Variants in ANTXR2 observed in about 807,000 individuals in gnomAD.
The protein encoded by ANTXR2 is ANTXR cell adhesion molecule 2.
Under a neutral mutation model 73.7 loss-of-function variants are expected in ANTXR2, and 44 were observed. That is an observed-to-expected ratio of 0.60 (90% CI 0.47 to 0.77). ANTXR2 has a LOEUF of 0.77. Among genes scored for constraint, ANTXR2 ranks in the 30% least tolerant of loss-of-function variants. The pLI is 0.00. For missense variants in ANTXR2, 604 were observed against 592.5 expected, an observed-to-expected ratio of 1.02 and a Z score of -0.20; for synonymous variants, 217 against 205.9, an observed-to-expected ratio of 1.05 and a Z score of -0.46.
intron 7 of ANTXR2, among the ~76,000 whole-genome samples, chr4:80,050,406 A>C (rs954659425): frequency 6.6e-6 from 1 of 151,586 alleles, no homozygotes; most frequent in Admixed American, 6.6e-5. Flanking sequence ...TTGTTTAAGT[A>C]GATTGGGGGT....
intron 16 of ANTXR2, among the ~76,000 whole-genome samples, chr4:79,954,802 G>A (rs1253729488): frequency 6.6e-6 from 1 of 152,112 alleles, no homozygotes; most frequent in Non-Finnish European, 1.5e-5. Flanking sequence ...AGAGGTCAGA[G>A]GCTAGACAAG....
intron 10 of ANTXR2, among the ~76,000 whole-genome samples, chr4:80,026,453 T>C (rs528041658): frequency 5.5e-4 from 84 of 152,266 alleles, no homozygotes; most frequent in South Asian, 5.0e-3. Context: ...AACGGACTAA[T>C]ACATTTAGTA....
chr4:80,001,101 CA>C (rs1731008790), intron 12 of ANTXR2, among the ~76,000 whole-genome samples: 1 of 151,994 alleles, frequency 6.6e-6, no homozygotes, highest in African/African-American at 2.4e-5. Context: ...TTCAAAGTTA[CA>C]AAACAGAGGG....
chr4:80,033,685 T>TACTATTTTCATACTATTTTCA, intron 8 of ANTXR2, 115 bp from the exon 9 acceptor site: 1 of 725,238 alleles, frequency 1.4e-6, no homozygotes, highest in African/African-American at 1.9e-5. Flanking sequence ...TACTATTCAG[T>TACTATTTTCATACTATTTTCA]TAACTAATAG....
At chr4:80,062,892 T>C (rs1025649709) in intron 3 of ANTXR2, among the ~76,000 whole-genome samples, 1 of 152,068 alleles carries the variant, frequency 6.6e-6, no homozygotes, top group Non-Finnish European at 1.5e-5. Context: ...CGAATCCTGA[T>C]ACATCATGAT....
chr4:80,033,668 T>G, intron 8 of ANTXR2, 98 bp from the exon 9 acceptor site: 1 of 865,010 alleles, frequency 1.2e-6, no homozygotes, highest in East Asian at 3.0e-5. Flanking sequence ...AAGAATAATT[T>G]TTTTCATACT....
chr4:80,046,061 CAT>C (rs1733501892), intron 7 of ANTXR2, among the ~76,000 whole-genome samples: 1 of 151,724 alleles, frequency 6.6e-6, no homozygotes. Flanking sequence ...TAAAAGCACA[CAT>C]GACAAATTTC....
chr4:80,040,318 G>A (rs1733174155), intron 7 of ANTXR2, among the ~76,000 whole-genome samples: 1 of 151,950 alleles, frequency 6.6e-6, no homozygotes, highest in African/African-American at 2.4e-5. Flanking sequence ...AAACCAAAAT[G>A]AGTCTATTAT....
At chr4:79,957,093 T>C (rs1728918251) in intron 16 of ANTXR2, among the ~76,000 whole-genome samples, 1 of 152,104 alleles carries the variant, frequency 6.6e-6, no homozygotes, top group South Asian at 2.1e-4. Context: ...GAGCCCATAA[T>C]GAAAGACTAT....
At chr4:80,001,519 T>C (rs1177871282) in intron 12 of ANTXR2, among the ~76,000 whole-genome samples, 1 of 151,906 alleles carries the variant, frequency 6.6e-6, no homozygotes, top group Non-Finnish European at 1.5e-5. Context: ...AAAAAATGTA[T>C]ATTCTGTTGA....
intron 16 of ANTXR2, among the ~76,000 whole-genome samples, chr4:79,961,177 T>G (rs1451800993): frequency 6.6e-6 from 1 of 152,036 alleles, no homozygotes. Context: ...TGTAGAATAA[T>G]GTAGATTTCT....
chr4:79,923,626 T>A (rs536563614), intron 16 of ANTXR2, among the ~76,000 whole-genome samples: 1 of 152,196 alleles, frequency 6.6e-6, no homozygotes, highest in Non-Finnish European at 1.5e-5. Flanking sequence ...CTAAGGCCAT[T>A]GTGAGCCTTA....
chr4:80,029,415 C>T (rs1187399424), intron 10 of ANTXR2, among the ~76,000 whole-genome samples: 9 of 151,904 alleles, frequency 5.9e-5, no homozygotes, highest in Non-Finnish European at 1.3e-4. Flanking sequence ...GTACAAGTAC[C>T]TGATCCCACC....
intron 2 of ANTXR2, among the ~76,000 whole-genome samples, 179 bp from the exon 3 acceptor site, chr4:80,069,686 T>C (rs983238360): frequency 6.6e-6 from 1 of 152,182 alleles, no homozygotes; most frequent in South Asian, 2.1e-4. Flanking sequence ...ATAAGTCATT[T>C]TGGATTTAGT....
chr4:79,937,627 A>C (rs975123280), intron 16 of ANTXR2, among the ~76,000 whole-genome samples: 8 of 152,216 alleles, frequency 5.3e-5, no homozygotes, highest in African/African-American at 1.9e-4. Flanking sequence ...GTTATGTGTC[A>C]CTAACAAGGT....
Position 80,055,979 on chromosome 4 carries a change from G to T in ANTXR2, c.331C>A (p.Arg111Ser). Residue 111 changes from arginine (R) to serine (S), a missense_variant, in exon 4 of 17, where the codon CGT becomes AGT. Arg to Ser is a moderately radical substitution (Grantham distance 110). Coordinates refer to ENST00000403729, the MANE Select transcript of ANTXR2 (RefSeq NM_058172.6). ...TATGTCTCTCCTACTGGACTAACAC[G>T]TTTTAAATCCTCCAAGCCTTTACTG... ...KISKGLEDLK[R>S]VSPVGETYIH... 6.4e-7 allele frequency: 1 copy of T among 1,569,278 alleles called. No individual in the cohort carries two copies. Among genetic ancestry groups the T allele is most frequent in the Middle Eastern group, 1.7e-4 (1 of 5,978 alleles).
rs187819775 is a variant in ANTXR2 at position 80,046,319 on chromosome 4, A to C, written c.636+7953T>G. On this transcript the variant is annotated intron_variant, in intron 7 of 16. Transcript: ENST00000403729. ...AATATAGAAAAAATTCCAAAAATGC[A>C]TAGTTTGTGATTGGAAACAAGTTTA... 2.5e-3 allele frequency among the ~76,000 whole-genome samples: 373 copies of C among 151,860 alleles called. 3 individuals carry two copies. The highest frequency in any genetic ancestry group is 6.8e-3 in the South Asian group (33 of 4,826).
intron 12 of ANTXR2, among the ~76,000 whole-genome samples, chr4:79,999,896 C>T (rs761766313): frequency 1.3e-5 from 2 of 151,758 alleles, no homozygotes; most frequent in Non-Finnish European, 2.9e-5. Context: ...GCACTCCAGC[C>T]TGAGTGACAG....
At chr4:80,039,010 T>C (rs1560417126) in intron 7 of ANTXR2, among the ~76,000 whole-genome samples, 6 of 152,202 alleles carry the variant, frequency 3.9e-5, no homozygotes, top group Admixed American at 6.6e-5. Flanking sequence ...AACCAATAAA[T>C]GCTTAAGGAA....
Sources: gnomAD v4.1 joint callset for allele counts (sites outside exome capture counted in the v4.1 genomes callset) on GRCh38, gnomAD v4.1.1 for gene constraint, MANE v1.5 for transcripts, NCBI Gene and HGNC (gene_info 2026-07-23, HGNC 2026-07-21) for gene names.